GYPE: variants seen among roughly 807,000 people sequenced by gnomAD.
GYPE encodes glycophorin E (MNS blood group).
In GYPE, 8 loss-of-function variants were observed where a neutral mutation model predicts 11.6. The ratio of observed to expected loss-of-function variants is 0.69; its 90% CI spans 0.41 to 1.25. The LOEUF is 1.25. Among genes scored for constraint, GYPE ranks in the 50% most tolerant of loss-of-function variants. The probability of loss-of-function intolerance (pLI) is 0.01; values close to 1 mark genes in which losing one functional copy is unlikely to be tolerated. For synonymous variants in GYPE, 28 were observed against 29.6 expected, an observed-to-expected ratio of 0.94 and a Z score of 0.18; for missense variants, 90 against 92.8, an observed-to-expected ratio of 0.97 and a Z score of 0.12.
intron 1 of GYPE, among the ~76,000 whole-genome samples, chr4:143,904,869 A>G (rs1745002457): frequency 6.6e-6 from 1 of 152,158 alleles, no homozygotes; most frequent in Admixed American, 6.5e-5. Context: ...ATTGAATACA[A>G]TTTAATAATG....
At chr4:143,891,806 C>G (rs768299999) in intron 1 of GYPE, among the ~76,000 whole-genome samples, 11 of 152,032 alleles carry the variant, frequency 7.2e-5, no homozygotes, top group Non-Finnish European at 1.6e-4. Flanking sequence ...TGAGAAAATT[C>G]AAACCTGCAG....
chr4:143,900,234 C>A, intron 1 of GYPE, among the ~76,000 whole-genome samples: 1 of 131,694 alleles, frequency 7.6e-6, no homozygotes, highest in Non-Finnish European at 1.6e-5. Flanking sequence ...TGCAAGAAAC[C>A]ACAGTGAAAA....
At chr4:143,879,319 A>G (rs1743933792) in intron 2 of GYPE, among the ~76,000 whole-genome samples, 2 of 152,042 alleles carry the variant, frequency 1.3e-5, no homozygotes, top group South Asian at 4.2e-4. Flanking sequence ...AAGCCACACA[A>G]TTTTCTAGAG....
chr4:143,885,305 A>G (rs1744189345), intron 1 of GYPE, among the ~76,000 whole-genome samples: 1 of 152,348 alleles, frequency 6.6e-6, no homozygotes, highest in Admixed American at 6.5e-5. Context: ...TAAGCAAAGT[A>G]TATGTAACTG....
At chr4:143,904,766 G>A (rs1179612436) in intron 1 of GYPE, among the ~76,000 whole-genome samples, 1 of 152,074 alleles carries the variant, frequency 6.6e-6, no homozygotes, top group African/African-American at 2.4e-5. Flanking sequence ...TTGAGAGGAT[G>A]TTTAACTATA....
chr4:143,878,210 C>T (rs368069802), intron 2 of GYPE, among the ~76,000 whole-genome samples: 1 of 152,160 alleles, frequency 6.6e-6, no homozygotes, highest in Non-Finnish European at 1.5e-5. Flanking sequence ...ACTGCAGCCT[C>T]AAACTCCCAG....
At chr4:143,894,897 C>G (rs1449350347) in intron 1 of GYPE, among the ~76,000 whole-genome samples, 3 of 152,010 alleles carry the variant, frequency 2.0e-5, no homozygotes, top group African/African-American at 7.3e-5. Context: ...GAACCAAAGA[C>G]AAAAACCACA....
chr4:143,902,631 C>T (rs147799266), intron 1 of GYPE, among the ~76,000 whole-genome samples: 69 of 151,758 alleles, frequency 4.5e-4, no homozygotes, highest in African/African-American at 1.4e-3. Context: ...CTCTCCCTCT[C>T]TGCTTATCTC....
At chr4:143,881,093 A>G (rs2149906801) in intron 1 of GYPE, among the ~76,000 whole-genome samples, 1 of 151,978 alleles carries the variant, frequency 6.6e-6, no homozygotes, top group Middle Eastern at 3.4e-3. Flanking sequence ...ATAATAAAAC[A>G]CTATTACATT....
At chr4:143,898,874 G>T (rs1744760059) in intron 1 of GYPE, among the ~76,000 whole-genome samples, 1 of 151,414 alleles carries the variant, frequency 6.6e-6, no homozygotes, top group South Asian at 2.1e-4. Context: ...GAACTTTTGT[G>T]GTCTTTTTCC....
At chr4:143,897,879 T>A (rs1417106272) in intron 1 of GYPE, among the ~76,000 whole-genome samples, 3 of 152,212 alleles carry the variant, frequency 2.0e-5, no homozygotes, top group Admixed American at 6.5e-5. Context: ...TGGGACAATT[T>A]CAAGTAGGCT....
At chr4:143,876,963 GA>G (rs1239198793) in intron 2 of GYPE, 108 bp from the exon 3 acceptor site, 5 of 709,652 alleles carry the variant, frequency 7.0e-6, no homozygotes, top group Non-Finnish European at 1.0e-5. Context: ...CCTTTTAATA[GA>G]AAGTACAATT....
Position 143,875,865 on chromosome 4 carries a change from T to C in GYPE, c.*9+881A>G, listed in dbSNP as rs867251994. ...GGCCCGCACCTGTAGTCCCAACTAC[T>C]GTGGAGGCTGAAGCACGAGAATCAC... On this transcript the variant is annotated intron_variant, in intron 3 of 3. Transcript: ENST00000358615. Among the ~76,000 whole-genome samples the C allele has an allele frequency of 3.9e-5, 6 of 151,960 alleles. 1 individual carries two copies. In the South Asian group the frequency reaches 1.3e-3, roughly 32 times the overall value.
chr4:143,905,142 C>T (rs1053612741), intron 1 of GYPE, among the ~76,000 whole-genome samples: 2 of 152,154 alleles, frequency 1.3e-5, no homozygotes, highest in Non-Finnish European at 2.9e-5. Flanking sequence ...AAATGAATCT[C>T]CTTATAACTC....
At chr4:143,882,042 A>T (rs1390392510) in intron 1 of GYPE, among the ~76,000 whole-genome samples, 3 of 152,148 alleles carry the variant, frequency 2.0e-5, no homozygotes, top group Non-Finnish European at 4.4e-5. Context: ...CAAATCATGG[A>T]GAAGACATGA....
chr4:143,903,647 A>C (rs1402332796), intron 1 of GYPE, among the ~76,000 whole-genome samples: 1 of 151,992 alleles, frequency 6.6e-6, no homozygotes, highest in African/African-American at 2.4e-5. Flanking sequence ...TAGCCACATC[A>C]AGAGAGTTTC....
At chr4:143,882,537 AAAAT>A (rs779499891) in intron 1 of GYPE, among the ~76,000 whole-genome samples, 40 of 152,336 alleles carry the variant, frequency 2.6e-4, no homozygotes, top group Admixed American at 5.2e-4. Context: ...AATAGCTAAT[AAAAT>A]AACAAGCCAA....
intron 1 of GYPE, among the ~76,000 whole-genome samples, chr4:143,893,472 T>C (rs1327125715): frequency 1.3e-5 from 2 of 151,834 alleles, no homozygotes; most frequent in African/African-American, 4.8e-5. Context: ...CCATGTTTAG[T>C]GCTTCCTTCA....
At chr4:143,875,984 A>T (rs981638247) in intron 3 of GYPE, among the ~76,000 whole-genome samples, 1 of 152,076 alleles carries the variant, frequency 6.6e-6, no homozygotes, top group Non-Finnish European at 1.5e-5. Flanking sequence ...TAAAAAAAAA[A>T]AAATAAAAAA....
Sources: gnomAD v4.1 joint callset for allele counts (sites outside exome capture counted in the v4.1 genomes callset) on GRCh38, gnomAD v4.1.1 for gene constraint, MANE v1.5 for transcripts, NCBI Gene and HGNC (gene_info 2026-07-23, HGNC 2026-07-21) for gene names.